ADGRA1: variants seen among roughly 807,000 people sequenced by gnomAD.
ADGRA1 encodes G-protein coupled receptor 123.
In ADGRA1, 12 loss-of-function variants were observed where a neutral mutation model predicts 21.3. The ratio of observed to expected loss-of-function variants is 0.56; its 90% confidence interval spans 0.36 to 0.91. The LOEUF is 0.91. Among genes scored for constraint, ADGRA1 ranks in the 40% least tolerant of loss-of-function variants. The probability of loss-of-function intolerance (pLI) is 0.01; values close to 1 mark genes in which losing one functional copy is unlikely to be tolerated. For synonymous variants in ADGRA1, 385 were observed against 368.8 expected (o/e 1.04, Z -0.50); for missense variants, 790 against 805.6 (o/e 0.98, Z 0.23).
At chr10:133,113,514 G>C (rs1852101935) in intron 5 of ADGRA1, among the ~76,000 whole-genome samples, 2 of 152,218 alleles carry the variant, frequency 1.3e-5, no homozygotes, top group Admixed American at 6.5e-5. Flanking sequence ...CTTGGGACCT[G>C]CCCGTGGCCA....
At chr10:133,115,404 C>T (rs1261627177) in intron 5 of ADGRA1, among the ~76,000 whole-genome samples, 4 of 152,318 alleles carry the variant, frequency 2.6e-5, no homozygotes, top group Admixed American at 2.0e-4. Context: ...GCCTCTGCAC[C>T]TGTGAAAGCC....
intron 4 of ADGRA1, among the ~76,000 whole-genome samples, chr10:133,101,076 G>T (rs571215365): frequency 6.6e-6 from 1 of 152,340 alleles, no homozygotes; most frequent in Admixed American, 6.5e-5. Context: ...CCGCATTCCC[G>T]CCTCCGGGTA....
At chr10:133,110,776 C>T (rs1429915685) in intron 5 of ADGRA1, among the ~76,000 whole-genome samples, 3 of 152,232 alleles carry the variant, frequency 2.0e-5, no homozygotes, top group Non-Finnish European at 4.4e-5. Context: ...CCATATCTCA[C>T]AATCCAGATT....
In ADGRA1 at chr10:133,127,035, C is replaced by T. The variant is rs1852387428; in HGVS notation, c.402-198C>T. ...GGCCCTCTCCAGGCGCAGAGGCCCG[C>T]GGGAGGCCAGCGAGGCCGGCACTGG... is the stretch of plus-strand genomic sequence containing the variant. On this transcript the variant is annotated intron_variant, in intron 5 of 6. Transcript: ENST00000392607. 4.3e-5 allele frequency among the ~76,000 whole-genome samples: 6 copies of T among 138,566 alleles called. No individual in the cohort carries two copies. The Admixed American group carries it at 4.3e-4, about 10-fold the overall frequency. 90.9% of individuals were successfully genotyped at this position (138,566 alleles called of 152,430 possible). A position where few individuals can be genotyped will look rare whatever the true frequency, so the allele number is the denominator to read the frequency against.
chr10:133,118,548 C>T (rs1852198116), intron 5 of ADGRA1, among the ~76,000 whole-genome samples: 1 of 152,094 alleles, frequency 6.6e-6, no homozygotes, highest in Admixed American at 6.6e-5. Flanking sequence ...GAAGCAGCAC[C>T]TTCTTCACAA....
chr10:133,123,326 C>T (rs893954768), intron 5 of ADGRA1, among the ~76,000 whole-genome samples: 9 of 152,238 alleles, frequency 5.9e-5, no homozygotes, highest in African/African-American at 2.2e-4. Context: ...CGGGCAGGAG[C>T]CTGTGTTTGT....
At chr10:133,103,800 C>T (rs1286748141) in intron 5 of ADGRA1, among the ~76,000 whole-genome samples, 6 of 152,220 alleles carry the variant, frequency 3.9e-5, no homozygotes, top group Non-Finnish European at 8.8e-5. Flanking sequence ...TTGGTGTTTC[C>T]TTTTCTGAAC....
intron 3 of ADGRA1, among the ~76,000 whole-genome samples, chr10:133,097,643 T>C (rs768774537): frequency 7.2e-5 from 11 of 152,224 alleles, no homozygotes; most frequent in Non-Finnish European, 1.5e-4. Context: ...GAGGCTGTGA[T>C]CACAGGAAGA....
rs148719489 is a variant in ADGRA1, at chr10:133,129,124, G to A, written c.1296G>A (p.Glu432=). The change falls in exon 7 of 7, where the codon GAG becomes GAA. Residue 432 remains glutamate, a synonymous_variant. Coordinates refer to ENST00000392607, the MANE Select transcript of ADGRA1 (RefSeq NM_001083909.3). ...CCTACTTTAGCCGGCACCCAGCAGA[G>A]GAGCCCGAGTACGCCTACCACATCC... ...KPPYFSRHPA[E]EPEYAYHIPS... is the part of the protein sequence containing the mutation. The A allele has an allele frequency of 4.5e-6, 7 of 1,553,912 alleles. No homozygotes were observed. In the Admixed American group the frequency reaches 9.5e-5, roughly 21 times the overall value.
chr10:133,095,080 G>A lies in ADGRA1; in HGVS notation c.4-1894G>A, dbSNP rs145190644. On this transcript the variant is annotated intron_variant, in intron 2 of 6. Coordinates refer to ENST00000392607, the MANE Select transcript of ADGRA1 (RefSeq NM_001083909.3). ...CTGATGGCAAGCACTCCAGTAGCCA[G>A]AACACCAAGGAGGGACGTGCGAATG... 3.5e-3 allele frequency among the ~76,000 whole-genome samples: 526 copies of A among 152,308 alleles called. 3 individuals carry two copies. Among genetic ancestry groups the A allele is most frequent in the African/African-American group, 0.012 (479 of 41,572 alleles).
chr10:133,119,034 C>G (rs964028563), intron 5 of ADGRA1, among the ~76,000 whole-genome samples: 3 of 100,000 alleles, frequency 3.0e-5, no homozygotes, highest in African/African-American at 1.3e-4. Flanking sequence ...CATGCACTCA[C>G]ACCACACACA....
chr10:133,116,622 C>T (rs1409909357), intron 5 of ADGRA1, among the ~76,000 whole-genome samples: 2 of 151,978 alleles, frequency 1.3e-5, no homozygotes, highest in African/African-American at 2.4e-5. Flanking sequence ...GGGCCTCTCA[C>T]GATGAAGAGA....
intron 5 of ADGRA1, among the ~76,000 whole-genome samples, chr10:133,112,203 G>A (rs1347148458): frequency 6.6e-6 from 1 of 152,252 alleles, no homozygotes; most frequent in African/African-American, 2.4e-5. Flanking sequence ...TTTCATAGGT[G>A]CTCGGGGGCT....
chr10:133,107,232 T>A (rs1189502133), intron 5 of ADGRA1, among the ~76,000 whole-genome samples: 3 of 152,218 alleles, frequency 2.0e-5, no homozygotes, highest in Non-Finnish European at 4.4e-5. Flanking sequence ...CTCTAGTTGG[T>A]GTTTTGTTAA....
At chr10:133,106,712 G>A (rs546936698) in intron 5 of ADGRA1, among the ~76,000 whole-genome samples, 1 of 152,380 alleles carries the variant, frequency 6.6e-6, no homozygotes, top group East Asian at 1.9e-4. Flanking sequence ...AGGCCTGGGC[G>A]AGTGGATGGA....
intron 5 of ADGRA1, among the ~76,000 whole-genome samples, chr10:133,109,431 C>G (rs112555988): frequency 6.6e-6 from 1 of 152,090 alleles, no homozygotes; most frequent in Non-Finnish European, 1.5e-5. Flanking sequence ...CTTGCCCCCA[C>G]GACCACTCCC....
intron 5 of ADGRA1, among the ~76,000 whole-genome samples, chr10:133,122,810 C>T (rs1410334413): frequency 1.3e-5 from 2 of 150,888 alleles, no homozygotes; most frequent in South Asian, 2.1e-4. Context: ...GCCAGGCACA[C>T]GCATCCCCAG....
intron 5 of ADGRA1, among the ~76,000 whole-genome samples, chr10:133,111,908 T>TCCCTCCA (rs1852027013): frequency 4.2e-5 from 4 of 96,020 alleles, no homozygotes; most frequent in African/African-American, 8.5e-5. Context: ...TCCCTCCTAA[T>TCCCTCCA]GCCTCCAGAC....
intron 5 of ADGRA1, among the ~76,000 whole-genome samples, chr10:133,119,659 C>G (rs1305026601): frequency 6.6e-6 from 1 of 152,198 alleles, no homozygotes; most frequent in East Asian, 1.9e-4. Flanking sequence ...TTTTGCTCAT[C>G]CATAAGAAGC....
Sources: allele counts gnomAD v4.1 joint callset (sites outside exome capture counted in the v4.1 genomes callset), GRCh38; gene constraint gnomAD v4.1.1; transcripts MANE v1.5; gene names NCBI Gene and HGNC (gene_info 2026-07-23, HGNC 2026-07-21).